Variants in BLTP1 observed in about 807,000 individuals in gnomAD.
The protein encoded by BLTP1 is bridge-like lipid transfer protein family member 1, also known as fragile site-associated protein.
At chr4:122,339,472 T>A in the BLTP1 span, 16 of 1,036,144 alleles carry the variant, frequency 1.5e-5, no homozygotes, top group African/African-American at 2.3e-4. Context: ...ATCAATATTT[T>A]AATAGTAATT....
the BLTP1 span, chr4:122,279,756 C>T: frequency 1.2e-6 from 2 of 1,606,046 alleles, no homozygotes; most frequent in Admixed American, 1.7e-5. Flanking sequence ...TTTTAATAGT[C>T]TTCTTTCTCT....
At chr4:122,243,096 T>G in the BLTP1 span, 2 of 1,604,118 alleles carry the variant, frequency 1.2e-6, no homozygotes, top group Non-Finnish European at 1.7e-6. Context: ...GCTTTTAAAG[T>G]GTCTTCCTTG....
chr4:122,291,966 G>GTTTTT, the BLTP1 span: 12 of 118,836 alleles, frequency 1.0e-4, no homozygotes, highest in East Asian at 2.5e-4. Flanking sequence ...GCATCAAACA[G>GTTTTT]TTTTTTTTTT....
chr4:122,244,225 T>C, the BLTP1 span: 1 of 283,322 alleles, frequency 3.5e-6, no homozygotes, highest in Non-Finnish European at 5.3e-6. Flanking sequence ...TGTGTTTCAG[T>C]TATCATTTGC....
the BLTP1 span, chr4:122,251,674 C>G: frequency 1.1e-6 from 1 of 888,730 alleles, no homozygotes; most frequent in Non-Finnish European, 1.3e-6. Context: ...TCTCTCAGAT[C>G]CTACTCTTCT....
the BLTP1 span, chr4:122,175,203 T>G: frequency 2.0e-6 from 2 of 984,904 alleles, no homozygotes; most frequent in Non-Finnish European, 2.4e-6. Context: ...AAGTTTTGAA[T>G]TAATTGAGAG....
chr4:122,355,854 G>A, the BLTP1 span: 1 of 1,612,588 alleles, frequency 6.2e-7, no homozygotes, highest in Non-Finnish European at 8.5e-7. Context: ...CTACTGTGAA[G>A]AATTCTAGTT....
the BLTP1 span, chr4:122,243,028 T>G: frequency 1.2e-6 from 2 of 1,612,054 alleles, no homozygotes; most frequent in Non-Finnish European, 1.7e-6. Flanking sequence ...AGCTAATTCT[T>G]TGCTAGACAG....
the BLTP1 span, chr4:122,209,478 C>G: frequency 1.8e-5 from 15 of 837,432 alleles, no homozygotes; most frequent in Non-Finnish European, 2.8e-5. Context: ...AACCTTGTCT[C>G]TAGTAAATAT....
chr4:122,192,350 T>A, the BLTP1 span: 34 of 1,613,082 alleles, frequency 2.1e-5, no homozygotes, highest in Non-Finnish European at 2.9e-5. Flanking sequence ...GAACAGATTT[T>A]AATTATGGAC....
At chr4:122,243,858 C>A in the BLTP1 span, 2 of 1,579,444 alleles carry the variant, frequency 1.3e-6, no homozygotes, top group African/African-American at 1.4e-5. Flanking sequence ...GTATAGTACG[C>A]CGTATACTCC....
At chr4:122,342,272 T>A in the BLTP1 span, among the ~76,000 whole-genome samples, 1 of 152,186 alleles carries the variant, frequency 6.6e-6, no homozygotes, top group Admixed American at 6.5e-5. Flanking sequence ...AATGATAAAT[T>A]GCATGACAGA....
chr4:122,291,321 G>A, the BLTP1 span, among the ~76,000 whole-genome samples: 7 of 152,194 alleles, frequency 4.6e-5, no homozygotes, highest in Non-Finnish European at 1.0e-4. Context: ...TAGGCATTCA[G>A]TTATTCTGTC....
the BLTP1 span, chr4:122,239,967 A>G: frequency 3.1e-6 from 5 of 1,614,190 alleles, no homozygotes; most frequent in East Asian, 2.2e-5. Context: ...GATTGACTAC[A>G]GTAGGGGTTC....
the BLTP1 span, chr4:122,331,582 A>G: frequency 8.2e-6 from 13 of 1,578,144 alleles, no homozygotes; most frequent in East Asian, 2.3e-5. Context: ...AACTTTATCT[A>G]TTAGAAATAC....
chr4:122,181,334 A>C, the BLTP1 span: 1 of 427,066 alleles, frequency 2.3e-6, no homozygotes, highest in African/African-American at 2.2e-5. Context: ...TTTTTTCCTG[A>C]TAGAGCAATT....
At chr4:122,171,843 T>C in the BLTP1 span, 1 of 983,662 alleles carries the variant, frequency 1.0e-6, no homozygotes, top group Admixed American at 6.2e-5. Context: ...AGCAATTGTT[T>C]AATCCCTCTG....
At chr4:122,203,292 T>C in the BLTP1 span, among the ~76,000 whole-genome samples, 5 of 151,850 alleles carry the variant, frequency 3.3e-5, no homozygotes, top group African/African-American at 1.2e-4. Flanking sequence ...ATGATAAATA[T>C]AATATAGAGC....
the BLTP1 span, among the ~76,000 whole-genome samples, chr4:122,188,555 C>T: frequency 5.4e-3 from 816 of 151,892 alleles, 49 homozygotes; most frequent in East Asian, 0.13. Flanking sequence ...GTTTTGAGAC[C>T]CACTTGACAT....
Sources: allele counts gnomAD v4.1 joint callset (sites outside exome capture counted in the v4.1 genomes callset), GRCh38; gene constraint gnomAD v4.1.1; transcripts MANE v1.5; gene names NCBI Gene and HGNC (gene_info 2026-07-23, HGNC 2026-07-21).